ERC2: variants seen among roughly 807,000 people sequenced by gnomAD.
The protein encoded by ERC2 is ELKS/RAB6-interacting/CAST family member 2.
In ERC2, 42 loss-of-function variants were observed where a neutral mutation model predicts 114.8. The observed-to-expected ratio is 0.37, with a 90% CI of 0.29 to 0.47. The LOEUF (loss-of-function observed/expected upper bound fraction) is 0.47, where lower values mean the gene tolerates loss of function less well. Ranked by LOEUF, ERC2 falls within the 20% of genes least tolerant of loss-of-function variation. The pLI is 0.99. For synonymous variants in ERC2, 454 were observed against 425.5 expected, an observed-to-expected ratio of 1.07 and a Z score of -0.82; for missense variants, 939 against 1,150.7, an observed-to-expected ratio of 0.82 and a Z score of 2.66.
intron 17 of ERC2, among the ~76,000 whole-genome samples, chr3:55,540,444 T>C (rs1409695146): frequency 6.6e-6 from 1 of 152,176 alleles, no homozygotes; most frequent in Non-Finnish European, 1.5e-5. Context: ...AGGCTGATCT[T>C]TTCTGCAAAG....
intron 14 of ERC2, among the ~76,000 whole-genome samples, chr3:55,857,875 T>C (rs942400986): frequency 2.0e-4 from 31 of 152,202 alleles, no homozygotes; most frequent in African/African-American, 7.0e-4. Context: ...TGGGTACCTC[T>C]TCACATCCCA....
At chr3:55,752,044 T>C (rs7639704) in intron 14 of ERC2, among the ~76,000 whole-genome samples, 50,679 of 152,122 alleles carry the variant, frequency 0.33, 9,156 homozygotes, top group South Asian at 0.58. Context: ...AAACCTTTCT[T>C]CAGAAGACCT....
chr3:55,807,266 C>T (rs1227656373), intron 14 of ERC2, among the ~76,000 whole-genome samples: 1 of 152,182 alleles, frequency 6.6e-6, no homozygotes, highest in East Asian at 1.9e-4. Context: ...ATTTTCTAAA[C>T]TTCATTACAG....
At chr3:55,631,331 T>C (rs1000613605) in intron 17 of ERC2, among the ~76,000 whole-genome samples, 1 of 152,086 alleles carries the variant, frequency 6.6e-6, no homozygotes, top group Non-Finnish European at 1.5e-5. Context: ...AGAGCAAGGG[T>C]TAGTCAATAG....
At chr3:55,852,813 T>C (rs1332230685) in intron 14 of ERC2, among the ~76,000 whole-genome samples, 1 of 152,216 alleles carries the variant, frequency 6.6e-6, no homozygotes, top group Non-Finnish European at 1.5e-5. Context: ...TAAAAATACA[T>C]ACTGCATTTT....
At chr3:56,306,321 T>TC (rs1202317351) in intron 2 of ERC2, among the ~76,000 whole-genome samples, 2 of 152,168 alleles carry the variant, frequency 1.3e-5, no homozygotes, top group Non-Finnish European at 2.9e-5. Flanking sequence ...ACAAGAACAT[T>TC]CAGTACAGCA....
intron 14 of ERC2, among the ~76,000 whole-genome samples, chr3:55,781,977 C>T (rs995434761): frequency 1.3e-5 from 2 of 151,802 alleles, no homozygotes; most frequent in African/African-American, 2.4e-5. Context: ...CACGTTGTTT[C>T]CCTGTGGATT....
At chr3:55,576,834 G>A (rs753445314) in intron 17 of ERC2, among the ~76,000 whole-genome samples, 29 of 152,234 alleles carry the variant, frequency 1.9e-4, no homozygotes, top group Non-Finnish European at 3.4e-4. Flanking sequence ...CAGTCACACC[G>A]CATCGTGCGA....
In ERC2 at chr3:55,906,257, C is replaced by T. The variant is rs544604783; in HGVS notation, c.2404-17708G>A. ...ACCACCCTGGCTAACACGGTGAAAC[C>T]CCATCTCTACTAAAAATACAAAAAA... On this transcript the variant is annotated intron_variant, in intron 13 of 17. Transcript: ENST00000288221. 4.0e-5 allele frequency among the ~76,000 whole-genome samples: 6 copies of T among 151,504 alleles called. No individual in the cohort carries two copies. In the South Asian group the frequency reaches 6.3e-4, roughly 16 times the overall value.
At position 55,963,936 on chromosome 3, in the gene ERC2, T is replaced by C. The variant is rs181139736; in HGVS notation, c.2268-13376A>G. Among the ~76,000 whole-genome samples the C allele has an allele frequency of 1.6e-3, 239 of 152,338 alleles. 1 individual carries two copies. The highest frequency in any genetic ancestry group is 9.0e-3 in the Admixed American group (137 of 15,306). ...TCGTGTATGCAAGACCTACTTTTAT[T>C]GCATCCCATCTGAAATTGGGCTGCA... is the stretch of plus-strand genomic sequence containing the variant. On this transcript the variant is annotated intron_variant, in intron 12 of 17. Coordinates refer to ENST00000288221, the MANE Select transcript of ERC2 (RefSeq NM_015576.3).
intron 14 of ERC2, among the ~76,000 whole-genome samples, chr3:55,840,260 A>G (rs1387616606): frequency 6.6e-6 from 1 of 152,034 alleles, no homozygotes; most frequent in Non-Finnish European, 1.5e-5. Context: ...TTGACTATAT[A>G]AAGACCTCTC....
rs1447262133 is a variant in ERC2, at chr3:55,509,913, T to A, written c.*1403A>T. On this transcript the variant is annotated 3_prime_UTR_variant, in exon 18 of 18. Coordinates refer to ENST00000288221, the MANE Select transcript of ERC2 (RefSeq NM_015576.3). ...TGCAGGTTTTCATCTCCCACTTGCA[T>A]ACACGTGGAAGGGTTTCTTCCATTG... is the stretch of plus-strand genomic sequence containing the variant. The A allele has an allele frequency of 1.3e-5, 2 of 152,630 alleles. No individual in the cohort carries two copies. Among genetic ancestry groups the A allele is most frequent in the African/African-American group, 4.8e-5 (2 of 41,454 alleles). 9.5% of individuals were successfully genotyped at this position (152,630 alleles called of 1,614,324 possible).
intron 16 of ERC2, among the ~76,000 whole-genome samples, chr3:55,688,454 C>T (rs1203930696): frequency 6.6e-6 from 1 of 152,152 alleles, no homozygotes; most frequent in Admixed American, 6.5e-5. Flanking sequence ...CAAAAGTACA[C>T]CCTTCTGACT....
intron 12 of ERC2, among the ~76,000 whole-genome samples, chr3:55,976,805 G>T (rs1011486088): frequency 5.3e-5 from 8 of 152,174 alleles, no homozygotes; most frequent in Non-Finnish European, 1.0e-4. Context: ...GTGGTTCAAA[G>T]ACTTAAATGC....
chr3:55,962,257 T>C (rs6763168), intron 12 of ERC2, among the ~76,000 whole-genome samples: 60,219 of 152,028 alleles, frequency 0.4, 12,180 homozygotes, highest in Admixed American at 0.5. Flanking sequence ...GCTGAGAAAG[T>C]CTTTCCAAAG....
chr3:55,827,989 T>C (rs955172680), intron 14 of ERC2, among the ~76,000 whole-genome samples: 1 of 152,218 alleles, frequency 6.6e-6, no homozygotes, highest in Admixed American at 6.5e-5. Context: ...GCCAAGCCGA[T>C]GGAAACCAGC....
At chr3:56,360,455 G>T (rs1375284319) in intron 2 of ERC2, among the ~76,000 whole-genome samples, 1 of 152,138 alleles carries the variant, frequency 6.6e-6, no homozygotes, top group African/African-American at 2.4e-5. Flanking sequence ...GGGAAGGAAA[G>T]ACAAAAGCAA....
intron 6 of ERC2, among the ~76,000 whole-genome samples, chr3:56,105,095 GA>G (rs773151008): frequency 6.8e-6 from 1 of 146,796 alleles, no homozygotes; most frequent in African/African-American, 2.5e-5. Flanking sequence ...AGCCAGCACA[GA>G]AAAAAAAAAC....
chr3:55,733,076 G>C (rs561158786), intron 15 of ERC2, among the ~76,000 whole-genome samples: 1 of 152,106 alleles, frequency 6.6e-6, no homozygotes, highest in South Asian at 2.1e-4. Context: ...ACAAGTGCAT[G>C]GTATATTCGA....
Sources: allele counts gnomAD v4.1 joint callset (sites outside exome capture counted in the v4.1 genomes callset), GRCh38; gene constraint gnomAD v4.1.1; transcripts MANE v1.5; gene names NCBI Gene and HGNC (gene_info 2026-07-23, HGNC 2026-07-21).